The following MCM10 variants were observed in gnomAD, a reference collection of about 807,000 sequenced individuals.
MCM10 encodes minichromosome maintenance 10 replication initiation factor.
Under a neutral mutation model 109.9 loss-of-function variants are expected in MCM10, and 91 were observed. The ratio of observed to expected loss-of-function variants is 0.83; its 90% CI spans 0.70 to 0.99. The LOEUF is 0.99. Among genes scored for constraint, MCM10 ranks in the 50% least tolerant of loss-of-function variants. The probability of loss-of-function intolerance (pLI) is 0.00; values close to 1 mark genes in which losing one functional copy is unlikely to be tolerated. For missense variants in MCM10, 1,077 were observed against 1,061.2 expected (o/e 1.01, Z -0.21); for synonymous variants, 380 against 387.2 (o/e 0.98, Z 0.22).
chr10:13,170,775 A>C, intron 2 of MCM10, 147 bp from the exon 3 acceptor site: 1 of 623,074 alleles, frequency 1.6e-6, no homozygotes, highest in Admixed American at 2.9e-5. Context: ...TGAGGTTTGG[A>C]GTATGGTTGA....
chr10:13,189,890 T>A (rs574858362), intron 10 of MCM10, among the ~76,000 whole-genome samples: 1 of 152,192 alleles, frequency 6.6e-6, no homozygotes, highest in East Asian at 1.9e-4. Flanking sequence ...GGGTGTCCAA[T>A]CTTTTGGCTT....
At chr10:13,188,536 T>C (rs1331386811) in intron 9 of MCM10, among the ~76,000 whole-genome samples, 2 of 151,630 alleles carry the variant, frequency 1.3e-5, no homozygotes, top group Admixed American at 6.6e-5. Flanking sequence ...AAAACTTCCT[T>C]TTATATTAAA....
At chr10:13,197,584 T>C (rs1251556123) in intron 14 of MCM10, 39 bp from the exon 15 acceptor site, 1 of 1,595,626 alleles carries the variant, frequency 6.3e-7, no homozygotes, top group East Asian at 2.2e-5. Context: ...CTCTGTCATC[T>C]TTTAGATCTT....
intron 14 of MCM10, among the ~76,000 whole-genome samples, chr10:13,197,128 G>A (rs1834432051): frequency 1.3e-5 from 2 of 151,906 alleles, no homozygotes; most frequent in Non-Finnish European, 2.9e-5. Context: ...TCACTGTGTT[G>A]CTCAGGCTGG....
intron 6 of MCM10, among the ~76,000 whole-genome samples, chr10:13,177,357 G>A (rs1300906946): frequency 6.6e-6 from 1 of 152,126 alleles, no homozygotes; most frequent in East Asian, 1.9e-4. Flanking sequence ...AAATGCTTGG[G>A]ACCAGAACTG....
chr10:13,163,483 G>A (rs1023157754), intron 1 of MCM10, among the ~76,000 whole-genome samples: 6 of 152,172 alleles, frequency 3.9e-5, no homozygotes, highest in African/African-American at 1.4e-4. Flanking sequence ...GAAAAGAGAA[G>A]TGCACAAAGT....
chr10:13,203,736 T>C lies in MCM10; in HGVS notation c.2353-483T>C, dbSNP rs1834530882. Among the ~76,000 whole-genome samples, 4 of 152,214 alleles carry C rather than the reference T, an allele frequency of 2.6e-5. 1 individual carries two copies. Among genetic ancestry groups the C allele is most frequent in the Admixed American group, 2.6e-4 (4 of 15,288 alleles). ...AAGTGAATTCCTCAATCTCTCTGTC[T>C]TGGCTTTGCTGCTAATAGGGAGTAA... On this transcript the variant is annotated intron_variant, in intron 17 of 19. Coordinates refer to ENST00000378714, the MANE Select transcript of MCM10 (RefSeq NM_018518.5).
rs565359764 is a variant in MCM10 at position 13,200,305 on chromosome 10, G to C, written c.2239-1116G>C. Among the ~76,000 whole-genome samples the C allele has an allele frequency of 3.7e-4, 56 of 152,322 alleles. 1 individual carries two copies. Among genetic ancestry groups the C allele is most frequent in the Admixed American group, 1.6e-3 (24 of 15,298 alleles). On this transcript the variant is annotated intron_variant, in intron 16 of 19. Transcript: ENST00000378714. ...AGCACACAGAAGCCAGGCAGGATGA[G>C]AAGCAATCCTTGGTTGTGTCGGTGA...
intron 14 of MCM10, among the ~76,000 whole-genome samples, chr10:13,197,134 G>A (rs575973651): frequency 6.6e-6 from 1 of 152,018 alleles, no homozygotes; most frequent in Admixed American, 6.5e-5. Context: ...TGTTGCTCAG[G>A]CTGGTTTTAA....
chr10:13,188,766 G>A, intron 9 of MCM10, 115 bp from the exon 10 acceptor site: 2 of 894,156 alleles, frequency 2.2e-6, no homozygotes, highest in African/African-American at 1.6e-5. Flanking sequence ...GAGGTCAGCA[G>A]GGAGGACTCT....
At position 13,191,968 on chromosome 10, in the gene MCM10, G is replaced by A. The variant is rs569553112; in HGVS notation, c.1517-287G>A. 1.4e-4 allele frequency among the ~76,000 whole-genome samples: 21 copies of A among 152,304 alleles called. 1 individual carries two copies. The South Asian group carries it at 4.4e-3, about 32-fold the overall frequency. On this transcript the variant is annotated intron_variant, in intron 11 of 19. Transcript: ENST00000378714. Reference sequence around the variant, plus strand: ...AGCCCCCATCCTGGGCTTGTGGTCAGGGACCCTTATCCTTAGCGGATATTC... The same window carrying A: ...AGCCCCCATCCTGGGCTTGTGGTCAAGGACCCTTATCCTTAGCGGATATTC...
chr10:13,163,170 C>T (rs932255947), intron 1 of MCM10, among the ~76,000 whole-genome samples: 2 of 151,544 alleles, frequency 1.3e-5, no homozygotes, highest in African/African-American at 4.9e-5. Flanking sequence ...GAAACCCTGT[C>T]TCTACAAAAA....
rs1238407010 is a variant in MCM10 at position 13,210,625 on chromosome 10, C to A, written c.*1315C>A. On this transcript the variant is annotated 3_prime_UTR_variant, in exon 20 of 20. Coordinates refer to ENST00000378714, the MANE Select transcript of MCM10 (RefSeq NM_018518.5). ...AATAAAATTTACATGCCTTAGATTT[C>A]ATAAAATTCTGCTCTAATTGGGTGG... The A allele has an allele frequency of 6.6e-6, 1 of 152,160 alleles. No individual in the cohort carries two copies. The highest frequency in any genetic ancestry group is 6.5e-5 in the Admixed American group (1 of 15,270). 9.4% of individuals were successfully genotyped at this position (152,160 alleles called of 1,614,324 possible). A position where few individuals can be genotyped will look rare whatever the true frequency, so the allele number is the denominator to read the frequency against.
intron 17 of MCM10, among the ~76,000 whole-genome samples, chr10:13,202,061 A>T (rs1354592394): frequency 1.3e-5 from 2 of 152,214 alleles, no homozygotes; most frequent in African/African-American, 4.8e-5. Context: ...AACACTGATT[A>T]AAAATGGGAA....
chr10:13,198,243 G>T (rs1834449174), intron 15 of MCM10, among the ~76,000 whole-genome samples: 1 of 151,950 alleles, frequency 6.6e-6, no homozygotes, highest in South Asian at 2.1e-4. Context: ...ATGAAATTGG[G>T]CACAATTTGA....
Position 13,170,951 on chromosome 10 carries a change from G to A in MCM10, c.37G>A (p.Ala13Thr), listed in dbSNP as rs185467446. 6.2e-7 allele frequency: 1 copy of A among 1,614,062 alleles called. No homozygotes were observed. Among genetic ancestry groups the A allele is most frequent in the Non-Finnish European group, 8.5e-7 (1 of 1,179,942 alleles). Residue 13 changes from alanine (A) to threonine (T), a missense_variant, in exon 3 of 20, where the codon GCA becomes ACA. Transcript: ENST00000378714. ...EEEDNLSLLT[A>T]LLEENESALD... ...GGAAGACAATCTGTCTCTGCTGACC[G>A]CACTGCTGGAAGAAAATGAGTCAGC...
Position 13,209,377 on chromosome 10 carries a change from C to T in MCM10, c.*67C>T. 1 of 1,238,188 alleles carries T rather than the reference C, an allele frequency of 8.1e-7. No homozygotes were observed. Among genetic ancestry groups the T allele is most frequent in the Non-Finnish European group, 1.2e-6 (1 of 845,410 alleles). 76.7% of individuals were successfully genotyped at this position (1,238,188 alleles called of 1,614,324 possible). ...GTGACTCTGGAAAGCAAAGGATTGG[C>T]TGTGTATTGTCCATTGATTCCTGAT... is the stretch of plus-strand genomic sequence containing the variant. On this transcript the variant is annotated 3_prime_UTR_variant, in exon 20 of 20. Coordinates refer to ENST00000378714, the MANE Select transcript of MCM10 (RefSeq NM_018518.5).
chr10:13,195,381 TA>T (rs1385546336), intron 14 of MCM10, 112 bp downstream of exon 14: 4 of 808,942 alleles, frequency 4.9e-6, no homozygotes, highest in Non-Finnish European at 7.6e-6. Flanking sequence ...AGAGTCAGTG[TA>T]ATTTGAAAAC....
At chr10:13,180,125 C>A (rs1834191272) in intron 6 of MCM10, among the ~76,000 whole-genome samples, 2 of 152,120 alleles carry the variant, frequency 1.3e-5, no homozygotes, top group African/African-American at 4.8e-5. Flanking sequence ...ATGGCACATG[C>A]CTGTAGTCCC....
Sources: allele counts gnomAD v4.1 joint callset (sites outside exome capture counted in the v4.1 genomes callset), GRCh38; gene constraint gnomAD v4.1.1; transcripts MANE v1.5; gene names NCBI Gene and HGNC (gene_info 2026-07-23, HGNC 2026-07-21).